Variants in ASTN2 observed in about 807,000 individuals in gnomAD.
The protein encoded by ASTN2 is astrotactin-2.
Under a neutral mutation model 139.8 loss-of-function variants are expected in ASTN2, and 54 were observed. The ratio of observed to expected loss-of-function variants is 0.39; its 90% CI spans 0.31 to 0.48. The LOEUF is 0.48. Among genes scored for constraint, ASTN2 ranks in the 20% least tolerant of loss-of-function variants. ASTN2 has a pLI of 0.95. For missense variants in ASTN2, 1,565 were observed against 1,725.1 expected, an observed-to-expected ratio of 0.91 and a Z score of 1.64; for synonymous variants, 756 against 719.5, an observed-to-expected ratio of 1.05 and a Z score of -0.81.
At chr9:116,833,130 G>A (rs574784500) in intron 11 of ASTN2, among the ~76,000 whole-genome samples, 23 of 152,026 alleles carry the variant, frequency 1.5e-4, no homozygotes, top group Non-Finnish European at 2.5e-4. Context: ...TTGGCGAATT[G>A]TGGTAGTTTG....
intron 19 of ASTN2, among the ~76,000 whole-genome samples, chr9:116,565,011 C>A (rs887054290): frequency 1.3e-5 from 2 of 152,020 alleles, no homozygotes; most frequent in Non-Finnish European, 2.9e-5. Context: ...CAGCTAGAAC[C>A]AAACGCCTCA....
chr9:116,893,794 T>G (rs879880410), intron 10 of ASTN2, among the ~76,000 whole-genome samples: 1 of 152,122 alleles, frequency 6.6e-6, no homozygotes, highest in East Asian at 1.9e-4. Context: ...TCCTGCTTCT[T>G]AGGTCCATAA....
chr9:116,946,952 C>A (rs10675302), intron 10 of ASTN2, among the ~76,000 whole-genome samples: 42,914 of 104,538 alleles, frequency 0.41, 7,011 homozygotes, highest in African/African-American at 0.47. Flanking sequence ...AAAAAAAAAA[C>A]AACCCAGATT....
chr9:116,794,468 C>T (rs889453041), intron 13 of ASTN2, among the ~76,000 whole-genome samples: 2 of 152,160 alleles, frequency 1.3e-5, no homozygotes, highest in Non-Finnish European at 2.9e-5. Flanking sequence ...TCCTGAGCCA[C>T]ATATGGCTTG....
chr9:116,968,898 CAAAA>C (rs34706777), intron 10 of ASTN2, among the ~76,000 whole-genome samples: 1 of 93,614 alleles, frequency 1.1e-5, no homozygotes. Context: ...GACTCTGTCT[CAAAA>C]AAAAAAAAAA....
At chr9:117,314,692 G>A in intron 1 of ASTN2, among the ~76,000 whole-genome samples, 1 of 142,196 alleles carries the variant, frequency 7.0e-6, no homozygotes, top group Non-Finnish European at 1.5e-5. Flanking sequence ...TAATTTTTAT[G>A]GTATATTTAT....
chr9:116,600,265 A>C (rs1854805796), intron 19 of ASTN2, among the ~76,000 whole-genome samples: 1 of 149,396 alleles, frequency 6.7e-6, no homozygotes. Flanking sequence ...TAGAGGCTAC[A>C]GCGAGGTGTG....
At chr9:116,604,942 T>C (rs112384628) in intron 19 of ASTN2, among the ~76,000 whole-genome samples, 3 of 152,042 alleles carry the variant, frequency 2.0e-5, no homozygotes, top group African/African-American at 4.8e-5. Flanking sequence ...TACCTGGATG[T>C]AAGTCTAAAT....
intron 10 of ASTN2, among the ~76,000 whole-genome samples, chr9:116,949,336 T>A (rs1169306777): frequency 6.6e-6 from 1 of 151,884 alleles, no homozygotes; most frequent in African/African-American, 2.4e-5. Context: ...TGATATAAAC[T>A]GATATATTTT....
rs201033913 is a variant in ASTN2, at chr9:117,039,806, G to A, written c.1423+13C>T. On this transcript the variant is annotated intron_variant, in intron 6 of 22. Transcript: ENST00000313400. The stretch of plus-strand genomic sequence containing the variant: ...TGAGTGGGTGTGGAGCATCTGCAAT[G>A]CTCGGCTCTTACCATCTGCTATGAA... 6.2e-6 allele frequency: 10 copies of A among 1,611,474 alleles called. No homozygotes were observed. The highest frequency in any genetic ancestry group is 1.3e-5 in the African/African-American group (1 of 74,978).
intron 1 of ASTN2, among the ~76,000 whole-genome samples, chr9:117,351,599 T>C (rs922428918): frequency 1.3e-5 from 2 of 152,168 alleles, no homozygotes; most frequent in African/African-American, 4.8e-5. Context: ...TTTTCAAATT[T>C]CTCTCTATAC....
At chr9:117,354,004 A>C (rs1829464505) in intron 1 of ASTN2, among the ~76,000 whole-genome samples, 1 of 152,276 alleles carries the variant, frequency 6.6e-6, no homozygotes, top group Admixed American at 6.5e-5. Context: ...TGACCACACA[A>C]CACCAAAAGT....
intron 16 of ASTN2, chr9:116,697,413 T>C (rs1321636304): frequency 9.2e-6 from 3 of 327,688 alleles, no homozygotes; most frequent in African/African-American, 6.3e-5. Context: ...TTGAGTTAAT[T>C]CCTTATGGTC....
At chr9:116,430,195 C>T (rs1371707837) in intron 22 of ASTN2, among the ~76,000 whole-genome samples, 2 of 152,170 alleles carry the variant, frequency 1.3e-5, no homozygotes, top group Non-Finnish European at 2.9e-5. Context: ...CCAACATGCC[C>T]AAATGCCCTT....
chr9:116,751,565 T>A (rs954499703), intron 13 of ASTN2, among the ~76,000 whole-genome samples: 1 of 151,754 alleles, frequency 6.6e-6, no homozygotes, highest in African/African-American at 2.4e-5. Flanking sequence ...ATTATTATTA[T>A]TAGAAATGTG....
At chr9:116,469,701 T>C (rs941630399) in intron 20 of ASTN2, among the ~76,000 whole-genome samples, 3 of 152,240 alleles carry the variant, frequency 2.0e-5, no homozygotes, top group African/African-American at 7.2e-5. Context: ...CACTTATGTA[T>C]ACAATACATA....
chr9:117,368,912 G>C (rs908679707), intron 1 of ASTN2, among the ~76,000 whole-genome samples: 1 of 152,162 alleles, frequency 6.6e-6, no homozygotes, highest in African/African-American at 2.4e-5. Flanking sequence ...TTGATTGCAG[G>C]TGTTGGCACA....
In ASTN2 at chr9:116,535,617, G is replaced by A. The variant is rs530310287; in HGVS notation, c.3356-48117C>T. ...TTTTTATCTCTCCTTCATTTATGAA[G>A]CTTAGTTTCGCTGGATATGAAATTC... On this transcript the variant is annotated intron_variant, in intron 19 of 22. Transcript: ENST00000313400. Among the ~76,000 whole-genome samples the A allele has an allele frequency of 2.3e-4, 35 of 152,150 alleles. No homozygotes were observed. In the East Asian group the frequency reaches 6.6e-3, roughly 29 times the overall value.
intron 4 of ASTN2, among the ~76,000 whole-genome samples, chr9:117,122,294 T>C (rs1175646698): frequency 1.3e-5 from 2 of 152,172 alleles, no homozygotes; most frequent in Non-Finnish European, 2.9e-5. Flanking sequence ...TGGTAGAGTA[T>C]GACTCTCACA....
Sources: allele counts gnomAD v4.1 joint callset (sites outside exome capture counted in the v4.1 genomes callset), GRCh38; gene constraint gnomAD v4.1.1; transcripts MANE v1.5; gene names NCBI Gene and HGNC (gene_info 2026-07-23, HGNC 2026-07-21).